ALMS1: variants seen among roughly 807,000 people sequenced by gnomAD.
ALMS1 encodes the protein centrosome-associated protein ALMS1.
Under a neutral mutation model 352.2 loss-of-function variants are expected in ALMS1, and 271 were observed. The observed-to-expected ratio is 0.77, with a 90% CI of 0.70 to 0.85. ALMS1 has a LOEUF of 0.85. Ranked by LOEUF, ALMS1 falls within the 40% of genes least tolerant of loss-of-function variation. ALMS1 has a pLI of 0.00. For missense variants in ALMS1, 5,445 were observed against 4,870.7 expected (o/e 1.12, Z -3.51); for synonymous variants, 1,865 against 1,761.2 (o/e 1.06, Z -1.48).
At chr2:73,405,806 C>G (rs994060008) in intron 1 of ALMS1, among the ~76,000 whole-genome samples, 2 of 152,030 alleles carry the variant, frequency 1.3e-5, no homozygotes, top group Non-Finnish European at 2.9e-5. Flanking sequence ...TTACTTCTGT[C>G]GTGACCCATT....
At chr2:73,443,679 G>A (rs1671758842) in intron 7 of ALMS1, among the ~76,000 whole-genome samples, 1 of 152,106 alleles carries the variant, frequency 6.6e-6, no homozygotes, top group Non-Finnish European at 1.5e-5. Context: ...GGCTGTGAAA[G>A]CTACTCAATA....
intron 9 of ALMS1, among the ~76,000 whole-genome samples, chr2:73,487,255 G>A (rs1234302344): frequency 1.3e-5 from 2 of 152,182 alleles, no homozygotes; most frequent in Non-Finnish European, 2.9e-5. Context: ...GCCAGGTGTG[G>A]AGTGGTGAGG....
At chr2:73,509,932 A>G (rs956892158) in intron 10 of ALMS1, among the ~76,000 whole-genome samples, 3 of 151,484 alleles carry the variant, frequency 2.0e-5, no homozygotes, top group African/African-American at 7.3e-5. Context: ...ACATAGTCCC[A>G]TATTTCTTGT....
At chr2:73,391,212 C>G (rs1225353662) in intron 1 of ALMS1, among the ~76,000 whole-genome samples, 2 of 151,900 alleles carry the variant, frequency 1.3e-5, no homozygotes, top group Non-Finnish European at 2.9e-5. Context: ...ACAGGCTGAA[C>G]CTCTCCCGTT....
intron 1 of ALMS1, among the ~76,000 whole-genome samples, chr2:73,407,183 A>C (rs1572903709): frequency 1.3e-5 from 2 of 152,290 alleles, no homozygotes; most frequent in East Asian, 1.9e-4. Flanking sequence ...GGGGTTGGGC[A>C]TGCTAGCTCA....
intron 3 of ALMS1, 73 bp from the exon 4 acceptor site, chr2:73,422,784 T>C: frequency 7.9e-7 from 1 of 1,260,084 alleles, no homozygotes; most frequent in South Asian, 1.2e-5. Context: ...TGTAGGTGCT[T>C]TAAAGTATTA....
chr2:73,465,793 A>G (rs1245781971), intron 9 of ALMS1, among the ~76,000 whole-genome samples: 5 of 152,100 alleles, frequency 3.3e-5, no homozygotes, highest in African/African-American at 4.8e-5. Context: ...AATTTACAAG[A>G]AAAAAACAAC....
chr2:73,506,711 C>A (rs559820266), intron 10 of ALMS1, among the ~76,000 whole-genome samples: 1 of 152,146 alleles, frequency 6.6e-6, no homozygotes, highest in Non-Finnish European at 1.5e-5. Context: ...AATATACAAT[C>A]GTGTCATCTG....
Position 73,490,615 on chromosome 2 carries a change from G to A in ALMS1, c.8656G>A (p.Glu2886Lys). ...LPSCIFLEQR[E>K]LFEQSKAPRA... ...TTCTTGCATTTTTCTTGAACAACGA[G>A]AGCTCTTTGAACAAAGCAAAGCCCC... Residue 2886 changes from glutamate to lysine, a missense_variant, in exon 10 of 23, where the codon GAG becomes AAG. Transcript: ENST00000613296. The A allele has an allele frequency of 6.2e-7, 1 of 1,614,116 alleles. No individual in the cohort carries two copies. Among genetic ancestry groups the A allele is most frequent in the Non-Finnish European group, 8.5e-7 (1 of 1,180,024 alleles).
rs948686272 is a variant in ALMS1 at position 73,525,629 on chromosome 2, AT to A, written c.9781+5623del. Among the ~76,000 whole-genome samples, 82 of 149,894 alleles carry A rather than the reference AT, an allele frequency of 5.5e-4. 1 individual carries two copies. Among genetic ancestry groups the A allele is most frequent in the Admixed American group, 3.1e-3 (47 of 15,044 alleles). On this transcript the variant is annotated intron_variant, in intron 11 of 22. Coordinates refer to ENST00000613296, the MANE Select transcript of ALMS1 (RefSeq NM_001378454.1). ...GCCCGTTTTTAAATTGGATTATTAGATTTTTTTTTTCCTATAGAGTTGTTTC... is the reference window on the plus strand; with the variant it reads ...GCCCGTTTTTAAATTGGATTATTAGATTTTTTTTTCCTATAGAGTTGTTTC...
Position 73,448,809 on chromosome 2 carries a change from C to T in ALMS1, c.2282C>T (p.Ser761Phe). The T allele has an allele frequency of 6.2e-7, 1 of 1,614,072 alleles. No homozygotes were observed. Among genetic ancestry groups the T allele is most frequent in the Non-Finnish European group, 8.5e-7 (1 of 1,179,990 alleles). ...DQKTEIPAVQ[S>F]SSYSQREKPS... ...AAGACTGAGATACCAGCAGTACAGT[C>T]TAGTTCTTACTCACAAAGAGAAAAG... is the stretch of plus-strand genomic sequence containing the variant. Residue 761 changes from serine (S) to phenylalanine (F), a missense_variant, in exon 8 of 23, where the codon TCT becomes TTT. Ser to Phe is a radical substitution (Grantham distance 155). Coordinates refer to ENST00000613296, the MANE Select transcript of ALMS1 (RefSeq NM_001378454.1).
chr2:73,609,034 C>T (rs1008729281), intron 22 of ALMS1, among the ~76,000 whole-genome samples: 3 of 152,216 alleles, frequency 2.0e-5, no homozygotes, highest in Admixed American at 6.5e-5. Context: ...GCCCATTGTC[C>T]CAGTAGAGTC....
At chr2:73,572,018 G>C (rs1674939009) in intron 15 of ALMS1, among the ~76,000 whole-genome samples, 1 of 152,172 alleles carries the variant, frequency 6.6e-6, no homozygotes. Flanking sequence ...CCTTCCTCCA[G>C]GTCACGTAGC....
intron 13 of ALMS1, among the ~76,000 whole-genome samples, chr2:73,551,425 CTTTTTTTTTT>C (rs372741747): frequency 3.8e-4 from 28 of 73,700 alleles, no homozygotes; most frequent in Admixed American, 1.1e-3. Context: ...GAGTTTCAAT[CTTTTTTTTTT>C]TTTTTTTTTT....
chr2:73,396,716 C>A (rs1670769968), intron 1 of ALMS1, among the ~76,000 whole-genome samples: 1 of 150,148 alleles, frequency 6.7e-6, no homozygotes, highest in Non-Finnish European at 1.5e-5. Context: ...GCGATCTCAG[C>A]TCACTGCAAG....
chr2:73,520,070 A>G (rs1673646250), intron 11 of ALMS1, 54 bp downstream of exon 11: 1 of 1,610,354 alleles, frequency 6.2e-7, no homozygotes. Flanking sequence ...TTGTGTAGTT[A>G]TCTTAGAAAT....
intron 9 of ALMS1, among the ~76,000 whole-genome samples, chr2:73,473,678 T>C (rs756054323): frequency 4.7e-5 from 7 of 149,936 alleles, no homozygotes; most frequent in African/African-American, 1.8e-4. Context: ...AAAAGAAATA[T>C]CGACAAAGAG....
intron 18 of ALMS1, 119 bp downstream of exon 18, chr2:73,601,000 C>A: frequency 7.1e-7 from 1 of 1,407,890 alleles, no homozygotes; most frequent in Non-Finnish European, 9.7e-7. Flanking sequence ...CAGCCACAAC[C>A]TTGTCAGGTT....
At position 73,541,229 on chromosome 2, in the gene ALMS1, C is replaced by T. The variant is rs189927554; in HGVS notation, c.9907+6280C>T. Among the ~76,000 whole-genome samples, 102 of 152,316 alleles carry T rather than the reference C, an allele frequency of 6.7e-4. 1 individual carries two copies. Among genetic ancestry groups the T allele is most frequent in the Admixed American group, 6.1e-3 (93 of 15,306 alleles). ...CAGGATTAAGAAACTCACTCAGAAC[C>T]GCTCGACTACATGGAAACTGAACAA... On this transcript the variant is annotated intron_variant, in intron 12 of 22. Coordinates refer to ENST00000613296, the MANE Select transcript of ALMS1 (RefSeq NM_001378454.1).
Sources: allele counts gnomAD v4.1 joint callset (sites outside exome capture counted in the v4.1 genomes callset), GRCh38; gene constraint gnomAD v4.1.1; transcripts MANE v1.5; gene names NCBI Gene and HGNC (gene_info 2026-07-23, HGNC 2026-07-21).